Variants in PIWIL1 observed in about 807,000 individuals in gnomAD.
PIWIL1 encodes piwi like RNA-mediated gene silencing 1.
PIWIL1 carries 73 observed loss-of-function variants against 114.4 expected under a neutral mutation model. That is an observed-to-expected ratio of 0.64 (90% CI 0.53 to 0.78). The LOEUF (loss-of-function observed/expected upper bound fraction) is 0.78. Among genes scored for constraint, PIWIL1 ranks in the 30% least tolerant of loss-of-function variants. The pLI, the probability that PIWIL1 is intolerant of heterozygous loss-of-function variation, is 0.00. For synonymous variants in PIWIL1, 375 were observed against 369.0 expected, an observed-to-expected ratio of 1.02 and a Z score of -0.19; for missense variants, 723 against 1,063.1, an observed-to-expected ratio of 0.68 and a Z score of 4.45.
downstream of PIWIL1, among the ~76,000 whole-genome samples, chr12:130,377,363 T>C (rs1315834437): frequency 6.6e-6 from 1 of 152,206 alleles, no homozygotes; most frequent in Non-Finnish European, 1.5e-5. Context: ...TCCTTGATCC[T>C]TGGGTGCACA....
chr12:130,350,370 C>T (rs1197218583), intron 9 of PIWIL1, among the ~76,000 whole-genome samples: 1 of 152,162 alleles, frequency 6.6e-6, no homozygotes, highest in Non-Finnish European at 1.5e-5. Flanking sequence ...CCTTCAGTAT[C>T]ATTTCTGCTA....
chr12:130,412,769 C>T, the PIWIL1 span: 17 of 1,613,124 alleles, frequency 1.1e-5, no homozygotes, highest in African/African-American at 1.3e-5. Context: ...AATCCATCAG[C>T]GTCTTTATCA....
rs779334893 is a variant in PIWIL1, at chr12:130,367,132, G to A, written c.2196-1G>A. On this transcript the variant is annotated splice_acceptor_variant, in intron 18 of 20. Coordinates refer to ENST00000245255, the MANE Select transcript of PIWIL1 (RefSeq NM_004764.5). LOFTEE classifies it high-confidence loss of function. ...CAGTTACATTCATCATCATTTTTAA[G>A]CCCTAGACTAACGGTAATTGTGGTG... 1 of 1,614,010 alleles carries A rather than the reference G, an allele frequency of 6.2e-7. No individual in the cohort carries two copies. Among genetic ancestry groups the A allele is most frequent in the South Asian group, 1.1e-5 (1 of 91,064 alleles).
At chr12:130,342,966 T>A in intron 2 of PIWIL1, 24 bp from the exon 3 acceptor site, 1 of 1,572,450 alleles carries the variant, frequency 6.4e-7, no homozygotes, top group Non-Finnish European at 8.8e-7. Context: ...GAAAAGAATG[T>A]TCTTTATTTG....
chr12:130,401,209 G>A, the PIWIL1 span, among the ~76,000 whole-genome samples: 1 of 151,864 alleles, frequency 6.6e-6, no homozygotes, highest in East Asian at 1.9e-4. Context: ...TCCACCTCCC[G>A]GGTTCAAGCA....
At chr12:130,401,688 C>T in the PIWIL1 span, among the ~76,000 whole-genome samples, 1 of 151,914 alleles carries the variant, frequency 6.6e-6, no homozygotes, top group Non-Finnish European at 1.5e-5. Context: ...TGTGCATGTG[C>T]CCCTGGCGAT....
chr12:130,350,650 G>A (rs576234651), intron 9 of PIWIL1, among the ~76,000 whole-genome samples: 4 of 152,222 alleles, frequency 2.6e-5, no homozygotes, highest in South Asian at 4.2e-4. Context: ...TCCTTAGAAC[G>A]TCACATTCCA....
chr12:130,414,298 C>G, the PIWIL1 span: 2 of 1,586,156 alleles, frequency 1.3e-6, no homozygotes, highest in South Asian at 1.1e-5. Flanking sequence ...CGGTCTCGCC[C>G]GTAATCGTCT....
intron 3 of PIWIL1, among the ~76,000 whole-genome samples, chr12:130,343,670 G>A (rs2072991667): frequency 2.1e-5 from 3 of 139,794 alleles, no homozygotes; most frequent in Admixed American, 8.0e-5. Flanking sequence ...CTGTCTCCCA[G>A]GCTGGAGTGC....
the PIWIL1 span, among the ~76,000 whole-genome samples, chr12:130,385,744 A>G: frequency 6.6e-6 from 1 of 152,176 alleles, no homozygotes; most frequent in Non-Finnish European, 1.5e-5. Flanking sequence ...TGACATTTGC[A>G]CTGAAATCTG....
intron 19 of PIWIL1, among the ~76,000 whole-genome samples, chr12:130,369,468 C>T (rs1370489291): frequency 2.0e-5 from 3 of 152,204 alleles, no homozygotes; most frequent in African/African-American, 7.2e-5. Context: ...TGAGGAATCA[C>T]CACACTGTCT....
chr12:130,348,730 G>A (rs1353293887), intron 7 of PIWIL1, among the ~76,000 whole-genome samples: 7 of 152,030 alleles, frequency 4.6e-5, no homozygotes, highest in East Asian at 1.9e-4. Context: ...ATGAAACCCC[G>A]TCTCTACTAA....
At chr12:130,375,265 TG>T (rs1206240357), downstream of PIWIL1, among the ~76,000 whole-genome samples, 4 of 152,210 alleles carry the variant, frequency 2.6e-5, no homozygotes, top group Non-Finnish European at 5.9e-5. Flanking sequence ...TAAACACGGC[TG>T]GAGAAAAGCA....
At chr12:130,379,153 C>A in the PIWIL1 span, among the ~76,000 whole-genome samples, 1 of 152,162 alleles carries the variant, frequency 6.6e-6, no homozygotes, top group African/African-American at 2.4e-5. Flanking sequence ...CTGTTTAATT[C>A]GCTGTAGGGT....
intron 9 of PIWIL1, among the ~76,000 whole-genome samples, chr12:130,350,245 G>C (rs1355894945): frequency 6.6e-6 from 1 of 152,156 alleles, no homozygotes; most frequent in Non-Finnish European, 1.5e-5. Flanking sequence ...CAAGTAGGTT[G>C]GATAACAGGT....
the PIWIL1 span, among the ~76,000 whole-genome samples, chr12:130,413,271 C>A: frequency 6.6e-6 from 1 of 152,170 alleles, no homozygotes; most frequent in African/African-American, 2.4e-5. Context: ...TCAAGGCCCT[C>A]TTTCTTTCCC....
chr12:130,406,350 T>G, the PIWIL1 span: 38 of 698,160 alleles, frequency 5.4e-5, 1 homozygote, highest in Admixed American at 4.4e-4. Context: ...ATTTCTGGTA[T>G]TAATCTACTC....
chr12:130,403,292 T>C, the PIWIL1 span, among the ~76,000 whole-genome samples: 19,258 of 152,162 alleles, frequency 0.13, 1,304 homozygotes, highest in South Asian at 0.21. Flanking sequence ...GTAAAACCAT[T>C]TGGAGGAGTG....
chr12:130,353,656 G>A (rs1317452648), intron 9 of PIWIL1, among the ~76,000 whole-genome samples: 3 of 152,226 alleles, frequency 2.0e-5, no homozygotes, highest in African/African-American at 7.2e-5. Context: ...GCTGGGTGCC[G>A]TGACTCACGC....
Sources: gnomAD v4.1 joint callset for allele counts (sites outside exome capture counted in the v4.1 genomes callset) on GRCh38, gnomAD v4.1.1 for gene constraint, MANE v1.5 for transcripts, NCBI Gene and HGNC (gene_info 2026-07-23, HGNC 2026-07-21) for gene names.